GALNT10: variants seen among roughly 807,000 people sequenced by gnomAD.
The protein encoded by GALNT10 is GalNAc transferase 10.
In GALNT10, 41 loss-of-function variants were observed where a neutral mutation model predicts 75.0. The ratio of observed to expected loss-of-function variants is 0.55; its 90% CI spans 0.43 to 0.71. The LOEUF (loss-of-function observed/expected upper bound fraction) is 0.71, where lower values mean the gene tolerates loss of function less well. Ranked by LOEUF, GALNT10 falls within the 30% of genes least tolerant of loss-of-function variation. GALNT10 has a pLI of 0.00. For missense variants in GALNT10, 727 were observed against 818.5 expected (o/e 0.89, Z 1.36); for synonymous variants, 302 against 313.0 (o/e 0.96, Z 0.37).
At chr5:154,335,072 G>A (rs1754923900) in intron 4 of GALNT10, among the ~76,000 whole-genome samples, 2 of 152,160 alleles carry the variant, frequency 1.3e-5, no homozygotes, top group Non-Finnish European at 2.9e-5. Context: ...GCCTTAGTTT[G>A]CTTCTGACAC....
At chr5:154,390,148 G>A (rs1163583296) in intron 7 of GALNT10, among the ~76,000 whole-genome samples, 4 of 152,198 alleles carry the variant, frequency 2.6e-5, no homozygotes, top group Non-Finnish European at 4.4e-5. Context: ...GCAAATGTAA[G>A]AGGCCGTGTT....
intron 4 of GALNT10, among the ~76,000 whole-genome samples, chr5:154,336,238 A>C (rs552013244): frequency 5.9e-5 from 9 of 152,306 alleles, no homozygotes; most frequent in African/African-American, 1.9e-4. Flanking sequence ...TCACCTACTG[A>C]AGGACATCTT....
chr5:154,406,702 C>T (rs1246367282), intron 8 of GALNT10, among the ~76,000 whole-genome samples: 1 of 152,116 alleles, frequency 6.6e-6, no homozygotes, highest in Admixed American at 6.5e-5. Flanking sequence ...GAGGCTGAGG[C>T]AGGAGAATGG....
chr5:154,235,595 G>A (rs1753233600), intron 1 of GALNT10, among the ~76,000 whole-genome samples: 1 of 152,196 alleles, frequency 6.6e-6, no homozygotes, highest in Admixed American at 6.5e-5. Context: ...AGAAACCTAT[G>A]ACCTTCTTCT....
chr5:154,203,678 G>A (rs1775062074), intron 1 of GALNT10, among the ~76,000 whole-genome samples: 2 of 152,154 alleles, frequency 1.3e-5, no homozygotes, highest in South Asian at 4.1e-4. Flanking sequence ...ATGTTATAGT[G>A]CCATGTATTG....
intron 3 of GALNT10, among the ~76,000 whole-genome samples, chr5:154,324,173 C>T (rs1259961335): frequency 1.3e-5 from 2 of 152,314 alleles, no homozygotes; most frequent in South Asian, 4.1e-4. Flanking sequence ...GTAATCATGC[C>T]TTCCATGTGG....
intron 1 of GALNT10, among the ~76,000 whole-genome samples, chr5:154,218,414 G>A (rs760136931): frequency 1.3e-5 from 2 of 152,154 alleles, no homozygotes; most frequent in Non-Finnish European, 2.9e-5. Flanking sequence ...AGCTCTCCCT[G>A]TGACCTTGTA....
intron 1 of GALNT10, among the ~76,000 whole-genome samples, chr5:154,276,232 A>T (rs185695248): frequency 1.3e-5 from 2 of 152,170 alleles, no homozygotes; most frequent in Non-Finnish European, 1.5e-5. Context: ...TTCCAGACTC[A>T]TTCAGGGTGT....
At chr5:154,294,984 GT>G in intron 2 of GALNT10, 66 bp downstream of exon 2, 1 of 602,536 alleles carries the variant, frequency 1.7e-6, no homozygotes, top group East Asian at 2.6e-5. Context: ...GCTTGTGTGT[GT>G]GTGTGTGTGT....
At chr5:154,410,809 C>T (rs907401900) in intron 9 of GALNT10, among the ~76,000 whole-genome samples, 8 of 152,224 alleles carry the variant, frequency 5.3e-5, no homozygotes, top group Non-Finnish European at 8.8e-5. Context: ...CAGAGAGGAA[C>T]AGCGTGCTTC....
intron 1 of GALNT10, among the ~76,000 whole-genome samples, chr5:154,251,447 G>A (rs548122148): frequency 2.6e-5 from 4 of 152,074 alleles, no homozygotes; most frequent in South Asian, 2.1e-4. Context: ...TTTTACTCTC[G>A]TAGTTCAAGT....
At position 154,380,628 on chromosome 5, in the gene GALNT10, T is replaced by C; in HGVS notation, c.935T>C (p.Phe312Ser). 1 of 1,609,804 alleles carries C rather than the reference T, an allele frequency of 6.2e-7. No homozygotes were observed. Among genetic ancestry groups the C allele is most frequent in the Non-Finnish European group, 8.5e-7 (1 of 1,176,872 alleles). ...ELQKADPSDP[F>S]ESPVMAGGLF... ...CAGAAAGCTGACCCCAGCGACCCAT[T>C]TGAGTAAGTATGAACAACCCTGGCT... Residue 312 changes from phenylalanine (F) to serine (S), a missense_variant, in exon 6 of 12, where the codon TTT becomes TCT. Physicochemically the swap from Phe to Ser is radical, Grantham distance 155. Transcript: ENST00000297107.
intron 1 of GALNT10, among the ~76,000 whole-genome samples, chr5:154,254,007 C>T (rs1343155517): frequency 6.6e-6 from 1 of 152,106 alleles, no homozygotes; most frequent in Non-Finnish European, 1.5e-5. Flanking sequence ...GGGCAGAAAT[C>T]CTCCCAGTTT....
chr5:154,300,309 A>C lies in GALNT10; in HGVS notation c.401+2230A>C, dbSNP rs892087759. On this transcript the variant is annotated intron_variant, in intron 3 of 11. Coordinates refer to ENST00000297107, the MANE Select transcript of GALNT10 (RefSeq NM_198321.4). ...TTCATCTTTCTGAATCTAGGAAAGA[A>C]GTTCACCTGGGGAGTTCATTCATTG... Among the ~76,000 whole-genome samples the C allele has an allele frequency of 2.6e-5, 4 of 152,292 alleles. No individual in the cohort carries two copies. In the East Asian group the frequency reaches 5.8e-4, roughly 22 times the overall value.
At chr5:154,339,904 G>A (rs889868947) in intron 4 of GALNT10, among the ~76,000 whole-genome samples, 1 of 152,210 alleles carries the variant, frequency 6.6e-6, no homozygotes, top group African/African-American at 2.4e-5. Flanking sequence ...AGAGGGCAGA[G>A]GAACTGCCCC....
At chr5:154,296,326 C>T (rs1754271096) in intron 2 of GALNT10, among the ~76,000 whole-genome samples, 1 of 152,016 alleles carries the variant, frequency 6.6e-6, no homozygotes, top group South Asian at 2.1e-4. Context: ...GAACTCCTGG[C>T]CTCAGGTGAT....
chr5:154,274,610 G>C (rs1753922580), intron 1 of GALNT10, among the ~76,000 whole-genome samples: 1 of 152,098 alleles, frequency 6.6e-6, no homozygotes, highest in South Asian at 2.1e-4. Context: ...CTTCCTACGT[G>C]TTCTTGGTGA....
At chr5:154,331,975 C>G (rs536400739) in intron 4 of GALNT10, among the ~76,000 whole-genome samples, 1 of 152,130 alleles carries the variant, frequency 6.6e-6, no homozygotes, top group African/African-American at 2.4e-5. Flanking sequence ...CTAAGTAATT[C>G]GCCCAGAATC....
intron 6 of GALNT10, among the ~76,000 whole-genome samples, chr5:154,384,963 C>G (rs751531589): frequency 6.6e-6 from 1 of 152,212 alleles, no homozygotes; most frequent in Admixed American, 6.5e-5. Flanking sequence ...CCGGCATATT[C>G]AAGCCCTCAG....
Sources: allele counts gnomAD v4.1 joint callset (sites outside exome capture counted in the v4.1 genomes callset), GRCh38; gene constraint gnomAD v4.1.1; transcripts MANE v1.5; gene names NCBI Gene and HGNC (gene_info 2026-07-23, HGNC 2026-07-21).